The following DYNC2H1 variants were observed in gnomAD, a reference collection of about 807,000 sequenced individuals.
DYNC2H1 encodes the protein cytoplasmic dynein 2 heavy chain 1.
Under a neutral mutation model 570.0 loss-of-function variants are expected in DYNC2H1, and 410 were observed. The ratio of observed to expected loss-of-function variants is 0.72; its 90% CI spans 0.66 to 0.78. DYNC2H1 has a LOEUF of 0.78. Ranked by LOEUF, DYNC2H1 falls within the 30% of genes least tolerant of loss-of-function variation. The pLI, the probability that DYNC2H1 is intolerant of heterozygous loss-of-function variation, is 0.00. For missense variants in DYNC2H1, 4,865 were observed against 5,046.4 expected, an observed-to-expected ratio of 0.96 and a Z score of 1.09; for synonymous variants, 1,688 against 1,677.6, an observed-to-expected ratio of 1.01 and a Z score of -0.15.
intron 84 of DYNC2H1, among the ~76,000 whole-genome samples, chr11:103,431,215 TAAAAA>T (rs10645288): frequency 9.4e-5 from 13 of 138,482 alleles, no homozygotes; most frequent in Non-Finnish European, 1.6e-4. Flanking sequence ...TCATTTAGTT[TAAAAA>T]AAAAAAAAAA....
rs1386999 is a variant in DYNC2H1, at chr11:103,280,141, G to T, written c.10696-207G>T. Among the ~76,000 whole-genome samples, 52,337 of 151,878 alleles carry T rather than the reference G, an allele frequency of 0.34. 9,504 individuals are homozygous for T. The highest frequency in any genetic ancestry group is 0.45 in the African/African-American group (18,777 of 41,442). On this transcript the variant is annotated intron_variant, in intron 70 of 88. Coordinates refer to ENST00000375735, the MANE Select transcript of DYNC2H1 (RefSeq NM_001377.3). The surrounding 1 kb of genome is among the most constrained non-coding windows in gnomAD (Gnocchi z 4.7). Reference sequence around the variant, plus strand: ...AATTGTTAGTGCTTTCTCCAAAAATGTGATCACTTACTTACTCTGACCCCA... The same window carrying T: ...AATTGTTAGTGCTTTCTCCAAAAATTTGATCACTTACTTACTCTGACCCCA...
At chr11:103,139,940 T>G (rs551419080) in intron 17 of DYNC2H1, among the ~76,000 whole-genome samples, 4 of 152,366 alleles carry the variant, frequency 2.6e-5, no homozygotes, top group African/African-American at 9.6e-5. Context: ...TAGCTCTTCT[T>G]GTTGAATTGA....
At chr11:103,263,446 A>T (rs1865392630) in intron 70 of DYNC2H1, among the ~76,000 whole-genome samples, 1 of 152,156 alleles carries the variant, frequency 6.6e-6, no homozygotes, top group South Asian at 2.1e-4. Flanking sequence ...TCTAAAATTG[A>T]CCACATAATT....
chr11:103,238,068 C>G (rs1864289730), intron 63 of DYNC2H1, among the ~76,000 whole-genome samples: 1 of 152,092 alleles, frequency 6.6e-6, no homozygotes, highest in Non-Finnish European at 1.5e-5. Flanking sequence ...GACACTCCAT[C>G]TCAGTTTTAA....
At chr11:103,121,117 G>T (rs1858682919) in intron 9 of DYNC2H1, 81 bp downstream of exon 9, 1 of 950,452 alleles carries the variant, frequency 1.1e-6, no homozygotes, top group Non-Finnish European at 1.5e-6. Context: ...TACCATTTAG[G>T]ATTAAAGATA....
intron 83 of DYNC2H1, among the ~76,000 whole-genome samples, chr11:103,382,812 A>T (rs914133147): frequency 6.6e-6 from 1 of 152,318 alleles, no homozygotes. Flanking sequence ...AATAAAAATT[A>T]TGTCATTTAC....
At chr11:103,188,826 G>A (rs975562848) in intron 44 of DYNC2H1, among the ~76,000 whole-genome samples, 178 bp downstream of exon 44, 5 of 151,916 alleles carry the variant, frequency 3.3e-5, no homozygotes, top group Non-Finnish European at 5.9e-5. Context: ...GATGATAAAA[G>A]CTTTAATCAA....
At chr11:103,415,029 A>G (rs1943229672) in intron 84 of DYNC2H1, among the ~76,000 whole-genome samples, 1 of 152,098 alleles carries the variant, frequency 6.6e-6, no homozygotes, top group Admixed American at 6.6e-5. Flanking sequence ...GAATTAGAAA[A>G]AACTTTGACA....
At chr11:103,365,539 A>T (rs184605936) in intron 83 of DYNC2H1, among the ~76,000 whole-genome samples, 2 of 152,304 alleles carry the variant, frequency 1.3e-5, no homozygotes, top group Admixed American at 1.3e-4. Context: ...AGGGTCCAAA[A>T]TACATTTTTT....
intron 15 of DYNC2H1, 54 bp downstream of exon 15, chr11:103,134,473 G>T: frequency 7.1e-7 from 1 of 1,414,674 alleles, no homozygotes; most frequent in Non-Finnish European, 9.6e-7. Context: ...TTTTCAGAAT[G>T]TAAGTACAAT....
Position 103,156,369 on chromosome 11 carries a change from G to T in DYNC2H1, c.3745-19G>T. On this transcript the variant is annotated intron_variant, in intron 25 of 88. Coordinates refer to ENST00000375735, the MANE Select transcript of DYNC2H1 (RefSeq NM_001377.3). ...AATTAATGTTGAAGTAATAAACATG[G>T]ATATTTTGTGTTAAATAGGATTTAA... is the stretch of plus-strand genomic sequence containing the variant. The T allele has an allele frequency of 2.5e-6, 4 of 1,596,830 alleles. No individual in the cohort carries two copies. Among genetic ancestry groups the T allele is most frequent in the Non-Finnish European group, 3.4e-6 (4 of 1,174,222 alleles).
intron 82 of DYNC2H1, among the ~76,000 whole-genome samples, chr11:103,343,861 T>A (rs887683695): frequency 6.6e-6 from 1 of 152,238 alleles, no homozygotes; most frequent in Non-Finnish European, 1.5e-5. Context: ...TATATTGAGT[T>A]TGTGATTTGG....
intron 52 of DYNC2H1, among the ~76,000 whole-genome samples, chr11:103,208,247 T>C (rs555002087): frequency 1.2e-4 from 19 of 152,128 alleles, no homozygotes; most frequent in Non-Finnish European, 2.2e-4. Context: ...TTGAAAATAA[T>C]TAAGAAGGTA....
chr11:103,167,859 T>C (rs913789896), intron 31 of DYNC2H1, among the ~76,000 whole-genome samples: 3 of 152,172 alleles, frequency 2.0e-5, no homozygotes, highest in Non-Finnish European at 2.9e-5. Flanking sequence ...CAGTCTGTTT[T>C]CAAATCTTTG....
intron 12 of DYNC2H1, among the ~76,000 whole-genome samples, chr11:103,128,591 A>G (rs911058321): frequency 6.6e-6 from 1 of 152,224 alleles, no homozygotes; most frequent in East Asian, 1.9e-4. Context: ...GGAATTAAGA[A>G]TTTAGTTTTT....
In DYNC2H1 at chr11:103,171,315, G is replaced by A. The variant is rs576860323; in HGVS notation, c.5334+247G>A. Among the ~76,000 whole-genome samples, 7 of 152,078 alleles carry A rather than the reference G, an allele frequency of 4.6e-5. No individual in the cohort carries two copies. In the East Asian group the frequency reaches 1.4e-3, roughly 29 times the overall value. The stretch of plus-strand genomic sequence containing the variant: ...TTGTTGCCCAGGCTGGAGTGCAGTG[G>A]TGTGATCTTGGCTCACTGCCACCTC... On this transcript the variant is annotated intron_variant, in intron 34 of 88. Transcript: ENST00000375735.
Position 103,186,623 on chromosome 11 carries a change from AT to A in DYNC2H1, c.6893+126del, listed in dbSNP as rs1349294656. 1.5e-6 allele frequency: 2 copies of A among 1,306,316 alleles called. No individual in the cohort carries two copies. Among genetic ancestry groups the A allele is most frequent in the African/African-American group, 1.5e-5 (1 of 67,066 alleles). 80.9% of individuals were successfully genotyped at this position (1,306,316 alleles called of 1,614,324 possible). On this transcript the variant is annotated intron_variant, in intron 42 of 88. Transcript: ENST00000375735. This position sits in a 1 kb window ranked among gnomAD's most constrained non-coding sequence, Gnocchi z 4.5. ...GCATTTACATTTTCATGGAAGATTC[AT>A]TTTATTTTCATTACTTATAAAAATA...
rs1445988861 is a variant in DYNC2H1 at position 103,468,596 on chromosome 11, G to C, written c.12656G>C (p.Gly4219Ala). 2 of 1,612,526 alleles carry C rather than the reference G, an allele frequency of 1.2e-6. No individual in the cohort carries two copies. The highest frequency in any genetic ancestry group is 1.7e-6 in the Non-Finnish European group (2 of 1,179,060). Reference sequence around the variant, plus strand: ...TATTTGTTTCCATGGCAGATCAGTGGCTTGTTACTAGAAGGATGTAGTTTT... The same window carrying C: ...TATTTGTTTCCATGGCAGATCAGTGCCTTGTTACTAGAAGGATGTAGTTTT... ...QEAKLQIKIS[G>A]LLLEGCSFDG... Residue 4219 changes from glycine to alanine, a missense_variant, in exon 88 of 89, where the codon GGC (glycine) becomes GCC (alanine). Gly to Ala is a moderately conservative substitution (Grantham distance 60). This residue lies in a region of DYNC2H1 where 2,401 missense variants were observed against 2,454.6 expected (regional missense o/e 0.98). Transcript: ENST00000375735.
rs750081431 is a variant in DYNC2H1 at position 103,307,743 on chromosome 11, A to G, written c.11405A>G (p.Lys3802Arg). 7 of 1,600,810 alleles carry G rather than the reference A, an allele frequency of 4.4e-6. No individual in the cohort carries two copies. In the East Asian group the frequency reaches 1.3e-4, roughly 31 times the overall value. The change falls in exon 78 of 89, where the codon AAA becomes AGA. Residue 3802 changes from lysine to arginine, a missense_variant. By Grantham distance (26) the Lys-to-Arg change is conservative. Around this residue, in one of 5 missense-constraint regions of DYNC2H1, gnomAD observed 2,401 missense variants for 2,454.6 expected, o/e 0.98. Transcript: ENST00000375735. Reference protein sequence around the residue: ...LEKELNTLQPKDTFRLWLTAE... With the variant: ...LEKELNTLQPRDTFRLWLTAE... ...AAGGAATTGAATACTCTTCAACCTA[A>G]AGATACCTTTCGTCTTTGGCTCACT...
Sources: allele counts gnomAD v4.1 joint callset (sites outside exome capture counted in the v4.1 genomes callset), GRCh38; gene constraint gnomAD v4.1.1; regional missense constraint gnomAD v4.1.1; non-coding constraint Gnocchi (gnomAD v3.1); transcripts MANE v1.5; gene names NCBI Gene and HGNC (gene_info 2026-07-23, HGNC 2026-07-21).